PIK3C2A: variants seen among roughly 807,000 people sequenced by gnomAD.
The protein encoded by PIK3C2A is phosphatidylinositol 4-phosphate 3-kinase C2 domain-containing subunit alpha.
Under a neutral mutation model 204.5 loss-of-function variants are expected in PIK3C2A, and 97 were observed. The observed-to-expected ratio is 0.47, with a 90% CI of 0.40 to 0.56. The LOEUF (loss-of-function observed/expected upper bound fraction) is 0.56, where lower values mean the gene tolerates loss of function less well. PIK3C2A is among the 20% of genes least tolerant of loss of function. The pLI, the probability that PIK3C2A is intolerant of heterozygous loss-of-function variation, is 0.00. For missense variants in PIK3C2A, 1,735 were observed against 1,969.2 expected, an observed-to-expected ratio of 0.88 and a Z score of 2.25; for synonymous variants, 653 against 664.4, an observed-to-expected ratio of 0.98 and a Z score of 0.26.
chr11:17,173,114 A>G (rs1851231179), intron 1 of PIK3C2A, among the ~76,000 whole-genome samples: 1 of 152,208 alleles, frequency 6.6e-6, no homozygotes, highest in Non-Finnish European at 1.5e-5. Context: ...TTTTTAGATC[A>G]ACCAAAACAT....
Position 17,122,196 on chromosome 11 carries a change from T to C in PIK3C2A, c.2649A>G (p.Ser883=). ...GAATAAACAGAACATACCCAAGTGATGAGTCTTTATGAAGAATATCAAGAA... is the reference window on the plus strand; with the variant it reads ...GAATAAACAGAACATACCCAAGTGACGAGTCTTTATGAAGAATATCAAGAA... ...GKLLDILHKD[S]SLGLSKEDKA... is the part of the protein sequence containing the mutation. The change falls in exon 15 of 33, where the codon TCA becomes TCG. Residue 883 remains serine, a synonymous_variant. Coordinates refer to ENST00000691414, the MANE Select transcript of PIK3C2A (RefSeq NM_002645.4). 2 of 1,581,664 alleles carry C rather than the reference T, an allele frequency of 1.3e-6. No individual in the cohort carries two copies. Among genetic ancestry groups the C allele is most frequent in the Non-Finnish European group, 1.7e-6 (2 of 1,153,538 alleles).
chr11:17,173,006 A>G (rs537856310), intron 1 of PIK3C2A, among the ~76,000 whole-genome samples: 71 of 152,286 alleles, frequency 4.7e-4, no homozygotes, highest in Non-Finnish European at 9.4e-4. Flanking sequence ...TTCTTTACAC[A>G]TTCTGCCTTG....
intron 26 of PIK3C2A, among the ~76,000 whole-genome samples, chr11:17,097,981 C>G (rs1034181658): frequency 6.6e-6 from 1 of 152,144 alleles, no homozygotes; most frequent in Non-Finnish European, 1.5e-5. Context: ...TCCTATCAAA[C>G]AGTAGAACTG....
At chr11:17,154,546 G>T (rs558136166) in intron 3 of PIK3C2A, among the ~76,000 whole-genome samples, 14 of 152,276 alleles carry the variant, frequency 9.2e-5, no homozygotes, top group African/African-American at 2.9e-4. Flanking sequence ...TCCCAGTGGT[G>T]ATCTACTTCC....
intron 2 of PIK3C2A, among the ~76,000 whole-genome samples, chr11:17,158,798 A>T (rs912306055): frequency 5.3e-5 from 8 of 152,206 alleles, no homozygotes; most frequent in African/African-American, 1.9e-4. Context: ...GATTTAAAAA[A>T]AATAATAATA....
At chr11:17,155,972 T>C (rs1456769801) in intron 2 of PIK3C2A, among the ~76,000 whole-genome samples, 5 of 152,192 alleles carry the variant, frequency 3.3e-5, no homozygotes, top group Non-Finnish European at 7.4e-5. Context: ...GTTTTAAGAA[T>C]ATGAAGAGAT....
chr11:17,178,524 T>C (rs907997846), intron 1 of PIK3C2A, among the ~76,000 whole-genome samples: 3 of 152,164 alleles, frequency 2.0e-5, no homozygotes, highest in Non-Finnish European at 4.4e-5. Flanking sequence ...AATTTTATTT[T>C]TATTTTTTTA....
chr11:17,102,245 G>A (rs1848659426), intron 24 of PIK3C2A, among the ~76,000 whole-genome samples: 1 of 152,062 alleles, frequency 6.6e-6, no homozygotes, highest in South Asian at 2.1e-4. Context: ...GACCATCCTG[G>A]CTAACACGGT....
intron 15 of PIK3C2A, 44 bp downstream of exon 15, chr11:17,122,144 A>C: frequency 7.8e-7 from 1 of 1,281,150 alleles, no homozygotes; most frequent in East Asian, 2.4e-5. Flanking sequence ...TGACTTTTAC[A>C]TTACAGGAGA....
chr11:17,205,796 A>G (rs948065247), intron 1 of PIK3C2A, among the ~76,000 whole-genome samples: 11 of 152,230 alleles, frequency 7.2e-5, no homozygotes, highest in African/African-American at 9.6e-5. Context: ...AAATTCCTCA[A>G]TGCAAACATG....
rs553178695 is a variant in PIK3C2A at position 17,092,604 on chromosome 11, G to A, written c.4452-328C>T. Among the ~76,000 whole-genome samples the A allele has an allele frequency of 5.9e-5, 9 of 152,198 alleles. No individual in the cohort carries two copies. In the South Asian group the frequency reaches 1.5e-3, roughly 25 times the overall value. On this transcript the variant is annotated intron_variant, in intron 28 of 32. Coordinates refer to ENST00000691414, the MANE Select transcript of PIK3C2A (RefSeq NM_002645.4). Reference sequence around the variant, plus strand: ...GAAAAATCACTTGAACCTGGGAAGCGGAAGTTGCAGTGAGCCGAGATCACT... The same window carrying A: ...GAAAAATCACTTGAACCTGGGAAGCAGAAGTTGCAGTGAGCCGAGATCACT...
intron 27 of PIK3C2A, among the ~76,000 whole-genome samples, chr11:17,095,920 TATAAA>T (rs971915260): frequency 4.0e-5 from 6 of 151,024 alleles, no homozygotes; most frequent in South Asian, 2.1e-4. Context: ...CTTTTATATT[TATAAA>T]ATAAAATAAA....
chr11:17,189,864 G>A, intron 1 of PIK3C2A, among the ~76,000 whole-genome samples: 1 of 139,058 alleles, frequency 7.2e-6, no homozygotes, highest in Admixed American at 7.2e-5. Context: ...AAAAGATTAT[G>A]AGACATAAAA....
rs540316425 is a variant in PIK3C2A, at chr11:17,106,413, A to C, written c.3545-1108T>G. On this transcript the variant is annotated intron_variant, in intron 22 of 32. Transcript: ENST00000691414. ...GACGACAGCGAGACCCTGTCTTCAAAAAAAATAAAAAATAAAAAAAATCAA... is the reference window on the plus strand; with the variant it reads ...GACGACAGCGAGACCCTGTCTTCAACAAAAATAAAAAATAAAAAAAATCAA... Among the ~76,000 whole-genome samples, 18 of 152,272 alleles carry C rather than the reference A, an allele frequency of 1.2e-4. No homozygotes were observed. In the South Asian group the frequency reaches 1.2e-3, roughly 11 times the overall value.
In PIK3C2A at chr11:17,089,670, T is replaced by G; in HGVS notation, c.*68A>C. 1 of 884,398 alleles carries G rather than the reference T, an allele frequency of 1.1e-6. No homozygotes were observed. Among genetic ancestry groups the G allele is most frequent in the Non-Finnish European group, 1.8e-6 (1 of 549,850 alleles). 54.8% of individuals were successfully genotyped at this position (884,398 alleles called of 1,614,324 possible). A position where few individuals can be genotyped will look rare whatever the true frequency, so the allele number is the denominator to read the frequency against. On this transcript the variant is annotated 3_prime_UTR_variant, in exon 33 of 33. Transcript: ENST00000691414. The stretch of plus-strand genomic sequence containing the variant: ...TAACAAGTGTGTGTGTGTGTGTCTG[T>G]GTGTGTGTGCATGTATGCATGCACG...
At chr11:17,143,005 T>C (rs754322873) in intron 8 of PIK3C2A, among the ~76,000 whole-genome samples, 3 of 151,684 alleles carry the variant, frequency 2.0e-5, no homozygotes, top group East Asian at 1.9e-4. Flanking sequence ...TACAATGATT[T>C]TCCTGGTGAC....
chr11:17,104,204 G>A (rs2137294300), intron 23 of PIK3C2A, among the ~76,000 whole-genome samples: 1 of 152,276 alleles, frequency 6.6e-6, no homozygotes, highest in Admixed American at 6.5e-5. Context: ...CTGAAAGACT[G>A]CCCTTTCCTC....
chr11:17,206,775 C>A (rs1279932533), intron 1 of PIK3C2A, among the ~76,000 whole-genome samples: 2 of 152,138 alleles, frequency 1.3e-5, no homozygotes, highest in Admixed American at 6.5e-5. Context: ...CAGCTTTCTT[C>A]TTCTTGCATC....
intron 1 of PIK3C2A, among the ~76,000 whole-genome samples, chr11:17,176,884 C>G (rs1446943011): frequency 1.3e-5 from 2 of 152,174 alleles, no homozygotes; most frequent in East Asian, 3.9e-4. Flanking sequence ...CTGCATATCT[C>G]TATCTATGTA....
Sources: allele counts gnomAD v4.1 joint callset (sites outside exome capture counted in the v4.1 genomes callset), GRCh38; gene constraint gnomAD v4.1.1; transcripts MANE v1.5; gene names NCBI Gene and HGNC (gene_info 2026-07-23, HGNC 2026-07-21).